SIK2: variants seen among roughly 807,000 people sequenced by gnomAD.
SIK2 encodes serine/threonine-protein kinase SIK2.
Under a neutral mutation model 103.2 loss-of-function variants are expected in SIK2, and 29 were observed. The observed-to-expected ratio is 0.28, with a 90% CI of 0.21 to 0.38. The LOEUF is 0.38. Among genes scored for constraint, SIK2 ranks in the 10% least tolerant of loss-of-function variants. The probability of loss-of-function intolerance (pLI) is 1.00; values close to 1 mark genes in which losing one functional copy is unlikely to be tolerated. For synonymous variants in SIK2, 412 were observed against 446.1 expected (o/e 0.92, Z 0.96); for missense variants, 879 against 1,171.0 (o/e 0.75, Z 3.64).
rs890761274 is a variant in SIK2 at position 111,727,551 on chromosome 11, C to G, written c.*3422C>G. On this transcript the variant is annotated 3_prime_UTR_variant, in exon 15 of 15. Coordinates refer to ENST00000304987, the MANE Select transcript of SIK2 (RefSeq NM_015191.3). ...GGACCCCCCCTGTAGGAGTATCGGC[C>G]TCTCCCCTGCCCCCTACCCTCTCTC... The G allele has an allele frequency of 1.2e-5, 2 of 163,542 alleles. No homozygotes were observed. The highest frequency in any genetic ancestry group is 4.8e-5 in the African/African-American group (2 of 41,856). The allele number at this position is 163,542 out of a possible 1,614,324, so 10.1% of individuals were successfully genotyped here.
intron 9 of SIK2, among the ~76,000 whole-genome samples, chr11:111,714,761 GCCACAA>G (rs1943592822): frequency 6.6e-6 from 1 of 152,170 alleles, no homozygotes; most frequent in South Asian, 2.1e-4. Flanking sequence ...GTGCGAGGCT[GCCACAA>G]GCCAGTGTTG....
chr11:111,661,459 A>G (rs993205658), intron 3 of SIK2, among the ~76,000 whole-genome samples: 22 of 152,252 alleles, frequency 1.4e-4, no homozygotes, highest in Non-Finnish European at 3.2e-4. Flanking sequence ...CTATAAGCCA[A>G]TATTTCCTAC....
intron 3 of SIK2, among the ~76,000 whole-genome samples, chr11:111,622,766 C>T (rs1287103219): frequency 6.6e-6 from 1 of 152,050 alleles, no homozygotes; most frequent in Non-Finnish European, 1.5e-5. Flanking sequence ...GACAAAAAAA[C>T]CACTGTTATC....
chr11:111,654,984 A>G lies in SIK2; in HGVS notation c.317-33017A>G, dbSNP rs146544625. Among the ~76,000 whole-genome samples the G allele has an allele frequency of 1.5e-3, 225 of 152,370 alleles. 1 individual carries two copies. The highest frequency in any genetic ancestry group is 5.0e-3 in the African/African-American group (207 of 41,596). ...GAAATCTGATTTCAGAATACATTAC[A>G]ATCATTCTCTTGACAGAAAATTTAA... On this transcript the variant is annotated intron_variant, in intron 3 of 14. Coordinates refer to ENST00000304987, the MANE Select transcript of SIK2 (RefSeq NM_015191.3).
intron 3 of SIK2, among the ~76,000 whole-genome samples, chr11:111,667,586 G>A (rs1049142833): frequency 4.0e-5 from 6 of 151,546 alleles, no homozygotes; most frequent in Admixed American, 3.9e-4. Context: ...CCACCTCCTG[G>A]GCTCAAGCAA....
chr11:111,638,119 A>G (rs1366404802), intron 3 of SIK2, among the ~76,000 whole-genome samples: 1 of 152,228 alleles, frequency 6.6e-6, no homozygotes, highest in Non-Finnish European at 1.5e-5. Flanking sequence ...TGGATTACCA[A>G]GAGAAGATTC....
chr11:111,659,920 T>G (rs1167342199), intron 3 of SIK2, among the ~76,000 whole-genome samples: 1 of 152,236 alleles, frequency 6.6e-6, no homozygotes, highest in African/African-American at 2.4e-5. Context: ...ATCTCCTCAC[T>G]CTGCCAGCCT....
At chr11:111,630,310 C>T (rs1942020448) in intron 3 of SIK2, among the ~76,000 whole-genome samples, 1 of 152,024 alleles carries the variant, frequency 6.6e-6, no homozygotes, top group South Asian at 2.1e-4. Context: ...AAGTTGCCTC[C>T]AGGGAGAGGG....
intron 9 of SIK2, among the ~76,000 whole-genome samples, chr11:111,715,682 A>C (rs138499652): frequency 6.6e-6 from 1 of 152,086 alleles, no homozygotes; most frequent in Non-Finnish European, 1.5e-5. Context: ...CATGGGGGCC[A>C]TATGGGAGGG....
In SIK2 at chr11:111,701,547, A is replaced by G. The variant is rs1383581823; in HGVS notation, c.699A>G (p.Arg233=). ...PILRQRVLEG[R]FRIPYFMSED... ...TGAGGCAGAGGGTTCTGGAAGGAAG[A>G]TTCCGGATTCCGTATTTCATGTCAG... Residue 233 remains arginine, a synonymous_variant, in exon 6 of 15, where the codon AGA becomes AGG. Coordinates refer to ENST00000304987, the MANE Select transcript of SIK2 (RefSeq NM_015191.3). The surrounding 1 kb of genome is among the most constrained non-coding windows in gnomAD (Gnocchi z 4.2). The G allele has an allele frequency of 1.2e-6, 2 of 1,613,776 alleles. No individual in the cohort carries two copies. Among genetic ancestry groups the G allele is most frequent in the Non-Finnish European group, 1.7e-6 (2 of 1,179,840 alleles).
At chr11:111,719,698 C>G in intron 9 of SIK2, 77 bp from the exon 10 acceptor site, 2 of 1,414,624 alleles carry the variant, frequency 1.4e-6, no homozygotes, top group Non-Finnish European at 2.0e-6. Flanking sequence ...CGCCACAAGT[C>G]TTGACATGTT....
intron 1 of SIK2, among the ~76,000 whole-genome samples, chr11:111,604,222 C>T (rs1941619664): frequency 6.6e-6 from 1 of 152,278 alleles, no homozygotes; most frequent in South Asian, 2.1e-4. Context: ...CTCTGAAGAG[C>T]CATGGCCTAT....
At chr11:111,620,555 G>A (rs961453401) in intron 3 of SIK2, among the ~76,000 whole-genome samples, 153 bp downstream of exon 3, 5 of 152,024 alleles carry the variant, frequency 3.3e-5, no homozygotes, top group Non-Finnish European at 5.9e-5. Context: ...CCTAAAATAT[G>A]AAATATAACT....
intron 12 of SIK2, 71 bp from the exon 13 acceptor site, chr11:111,721,759 G>T: frequency 8.4e-7 from 1 of 1,195,018 alleles, no homozygotes. Flanking sequence ...TTGCAAAGGT[G>T]CTTCAGCTAA....
chr11:111,712,411 T>C, intron 9 of SIK2, 36 bp downstream of exon 9: 2 of 1,589,268 alleles, frequency 1.3e-6, no homozygotes, highest in South Asian at 1.1e-5. Context: ...AACTGGCAGT[T>C]TGGCGAGAGA....
chr11:111,701,329 A>T lies in SIK2; in HGVS notation c.604-123A>T. On this transcript the variant is annotated intron_variant, in intron 5 of 14. Coordinates refer to ENST00000304987, the MANE Select transcript of SIK2 (RefSeq NM_015191.3). The surrounding 1 kb of genome is among the most constrained non-coding windows in gnomAD (Gnocchi z 4.2). The stretch of plus-strand genomic sequence containing the variant: ...TTGGATTTTTTTCAAATTCTGAGAA[A>T]ATAATAAATCCAGACAGGAATTTTT... The T allele has an allele frequency of 7.6e-7, 1 of 1,315,662 alleles. No homozygotes were observed. Among genetic ancestry groups the T allele is most frequent in the Non-Finnish European group, 1.0e-6 (1 of 978,430 alleles). 81.5% of individuals were successfully genotyped at this position (1,315,662 alleles called of 1,614,324 possible).
At chr11:111,619,240 C>T (rs774394775) in intron 2 of SIK2, among the ~76,000 whole-genome samples, 1 of 152,060 alleles carries the variant, frequency 6.6e-6, no homozygotes, top group Non-Finnish European at 1.5e-5. Flanking sequence ...TTTCTGACCT[C>T]GTGGAGAATA....
intron 3 of SIK2, among the ~76,000 whole-genome samples, chr11:111,640,722 ATTTTTTTTTTTTTTTTTT>A (rs58052684): frequency 4.6e-5 from 3 of 65,910 alleles, no homozygotes; most frequent in Admixed American, 2.4e-4. Flanking sequence ...GAAACAGGCA[ATTTTTTTTTTTTTTTTTT>A]TTTTTTTTTT....
chr11:111,713,440 A>G (rs1943555547), intron 9 of SIK2, among the ~76,000 whole-genome samples: 1 of 152,162 alleles, frequency 6.6e-6, no homozygotes, highest in Non-Finnish European at 1.5e-5. Flanking sequence ...TTTCTCTTAT[A>G]TAAAAGGAGA....
Sources: gnomAD v4.1 joint callset for allele counts (sites outside exome capture counted in the v4.1 genomes callset) on GRCh38, gnomAD v4.1.1 for gene constraint, Gnocchi (gnomAD v3.1) non-coding constraint, MANE v1.5 for transcripts, NCBI Gene and HGNC (gene_info 2026-07-23, HGNC 2026-07-21) for gene names.